TACC2: variants seen among roughly 807,000 people sequenced by gnomAD.
TACC2 encodes the protein transforming acidic coiled-coil containing protein 2, also known as transforming acidic coiled-coil-containing protein 2.
Under a neutral mutation model 227.3 loss-of-function variants are expected in TACC2, and 137 were observed. The ratio of observed to expected loss-of-function variants is 0.60; its 90% confidence interval spans 0.52 to 0.69. The LOEUF (loss-of-function observed/expected upper bound fraction) is 0.69. Ranked by LOEUF, TACC2 falls within the 30% of genes least tolerant of loss-of-function variation. The pLI is 0.00. For missense variants in TACC2, 3,470 were observed against 3,694.4 expected, an observed-to-expected ratio of 0.94 and a Z score of 1.57; for synonymous variants, 1,523 against 1,487.5, an observed-to-expected ratio of 1.02 and a Z score of -0.55.
Position 122,087,479 on chromosome 10 carries a change from G to A in TACC2, c.4979G>A (p.Arg1660Lys). Residue 1660 changes from arginine (R) to lysine (K), a missense_variant, in exon 4 of 23, where the codon AGG becomes AAG. Coordinates refer to ENST00000369005, the MANE Select transcript of TACC2 (RefSeq NM_206862.4). ...PWTLDTLGGE[R>K]RPGVTAGILE... ...ACCCTTGACACGCTTGGGGGTGAAA[G>A]GAGACCCGGAGTCACTGCTGGCATC... is the stretch of plus-strand genomic sequence containing the variant. The A allele has an allele frequency of 6.2e-7, 1 of 1,614,012 alleles. No individual in the cohort carries two copies. Among genetic ancestry groups the A allele is most frequent in the Non-Finnish European group, 8.5e-7 (1 of 1,180,040 alleles).
chr10:122,165,463 G>A (rs546787047), intron 7 of TACC2, among the ~76,000 whole-genome samples: 46 of 152,194 alleles, frequency 3.0e-4, no homozygotes, highest in Non-Finnish European at 4.9e-4. Context: ...TAACGTCCCC[G>A]CCCTCTTTTT....
chr10:122,028,773 C>T (rs1367570810), intron 2 of TACC2, among the ~76,000 whole-genome samples: 1 of 70,714 alleles, frequency 1.4e-5, no homozygotes, highest in South Asian at 6.2e-4. Flanking sequence ...GTTCCCTTCC[C>T]TTGCCTCCGC....
chr10:122,020,770 T>C (rs1213829722), intron 1 of TACC2, among the ~76,000 whole-genome samples: 1 of 152,142 alleles, frequency 6.6e-6, no homozygotes, highest in Admixed American at 6.5e-5. Context: ...GCTCTAAAAG[T>C]CTATGATTCT....
intron 5 of TACC2, among the ~76,000 whole-genome samples, chr10:122,105,716 G>T (rs1435508828): frequency 6.6e-6 from 1 of 151,304 alleles, no homozygotes; most frequent in Admixed American, 6.6e-5. Flanking sequence ...TGCTTCCCGG[G>T]TTCGAGCGAT....
chr10:122,158,344 G>A (rs1019361704), intron 7 of TACC2, among the ~76,000 whole-genome samples: 6 of 151,718 alleles, frequency 4.0e-5, no homozygotes, highest in South Asian at 2.1e-4. Flanking sequence ...AGCTGAGATC[G>A]TGCCACTGCA....
chr10:122,150,420 C>CT lies in TACC2; in HGVS notation c.5834+6715dup, dbSNP rs1654690979. On this transcript the variant is annotated intron_variant, in intron 7 of 22. Transcript: ENST00000369005. The surrounding 1 kb of genome is among the most constrained non-coding windows in gnomAD (Gnocchi z 4.0). ...GGGCAGCTGAGGCCAGGAGCCCACC[C>CT]TCCTCCCCGAGCACGGCTGCCCAGG... Among the ~76,000 whole-genome samples the CT allele has an allele frequency of 6.6e-6, 1 of 152,224 alleles. No individual in the cohort carries two copies. Among genetic ancestry groups the CT allele is most frequent in the Non-Finnish European group, 1.5e-5 (1 of 68,042 alleles).
chr10:122,176,577 T>TA, intron 7 of TACC2, among the ~76,000 whole-genome samples: 1 of 150,506 alleles, frequency 6.6e-6, no homozygotes, highest in Non-Finnish European at 1.5e-5. Flanking sequence ...TGTAGACAAA[T>TA]ATAGATTTTT....
intron 7 of TACC2, among the ~76,000 whole-genome samples, chr10:122,162,053 C>T (rs945772931): frequency 1.3e-5 from 2 of 152,164 alleles, no homozygotes; most frequent in Non-Finnish European, 2.9e-5. Context: ...GAGCACACCT[C>T]GTCACACCAC....
intron 16 of TACC2, 35 bp downstream of exon 16, chr10:122,230,475 G>A: frequency 6.3e-7 from 1 of 1,588,450 alleles, no homozygotes. Flanking sequence ...CACCTCCTGA[G>A]AATGTCATGT....
At chr10:122,220,275 T>A (rs779747259) in intron 11 of TACC2, among the ~76,000 whole-genome samples, 1 of 152,208 alleles carries the variant, frequency 6.6e-6, no homozygotes, top group Non-Finnish European at 1.5e-5. Flanking sequence ...AGTGACATAT[T>A]TGACAGTTGT....
chr10:122,004,478 C>T (rs1407816916), intron 1 of TACC2, among the ~76,000 whole-genome samples: 1 of 151,900 alleles, frequency 6.6e-6, no homozygotes, highest in Non-Finnish European at 1.5e-5. Flanking sequence ...AATAAAATCA[C>T]TATAGTACAA....
intron 6 of TACC2, among the ~76,000 whole-genome samples, chr10:122,140,577 C>G (rs1431696926): frequency 6.6e-6 from 1 of 152,208 alleles, no homozygotes; most frequent in Admixed American, 6.5e-5. Context: ...ACAGAATGTG[C>G]GGACCCCATA....
intron 2 of TACC2, among the ~76,000 whole-genome samples, chr10:122,030,549 C>T (rs756085702): frequency 1.3e-5 from 2 of 152,034 alleles, no homozygotes; most frequent in Non-Finnish European, 2.9e-5. Context: ...TACCCGCATC[C>T]CACTCCAACT....
intron 16 of TACC2, among the ~76,000 whole-genome samples, chr10:122,235,750 C>G (rs984987549): frequency 2.0e-5 from 3 of 152,162 alleles, no homozygotes; most frequent in African/African-American, 7.2e-5. Flanking sequence ...GGAGGTCAGC[C>G]TGCCTCTGCT....
At chr10:122,166,693 T>G (rs1487831338) in intron 7 of TACC2, among the ~76,000 whole-genome samples, 1 of 152,206 alleles carries the variant, frequency 6.6e-6, no homozygotes, top group African/African-American at 2.4e-5. Flanking sequence ...TGTAGGCATC[T>G]CAAAATTTGA....
At chr10:122,161,675 C>T (rs907757421) in intron 7 of TACC2, among the ~76,000 whole-genome samples, 1 of 152,226 alleles carries the variant, frequency 6.6e-6, no homozygotes, top group East Asian at 1.9e-4. Flanking sequence ...TGTGCTTTTG[C>T]ACCTCATCTG....
chr10:122,184,366 A>G (rs1293245059), intron 7 of TACC2, among the ~76,000 whole-genome samples: 1 of 152,118 alleles, frequency 6.6e-6, no homozygotes, highest in Non-Finnish European at 1.5e-5. Flanking sequence ...GGGGACAGCT[A>G]CATTTTTGTC....
At chr10:122,155,365 T>TAAAC (rs146987468) in intron 7 of TACC2, among the ~76,000 whole-genome samples, 5,144 of 152,316 alleles carry the variant, frequency 0.034, 264 homozygotes, top group East Asian at 0.24. Context: ...CCAGTGACTT[T>TAAAC]AAACCTTAGA....
intron 2 of TACC2, among the ~76,000 whole-genome samples, chr10:122,037,553 G>A (rs986319324): frequency 3.3e-5 from 5 of 152,214 alleles, no homozygotes; most frequent in Non-Finnish European, 4.4e-5. Flanking sequence ...ACTGACAAGC[G>A]AAGGACTGGT....
Sources: gnomAD v4.1 joint callset for allele counts (sites outside exome capture counted in the v4.1 genomes callset) on GRCh38, gnomAD v4.1.1 for gene constraint, Gnocchi (gnomAD v3.1) non-coding constraint, MANE v1.5 for transcripts, NCBI Gene and HGNC (gene_info 2026-07-23, HGNC 2026-07-21) for gene names.